The following RASGRF1 variants were observed in gnomAD, a reference collection of about 807,000 sequenced individuals.
RASGRF1 encodes the protein ras-specific guanine nucleotide-releasing factor 1.
In RASGRF1, 40 loss-of-function variants were observed where a neutral mutation model predicts 138.7. That is an observed-to-expected ratio of 0.29 (90% CI 0.22 to 0.38). RASGRF1 has a LOEUF of 0.38. Ranked by LOEUF, RASGRF1 falls within the 10% of genes least tolerant of loss-of-function variation. RASGRF1 has a pLI of 1.00. For missense variants in RASGRF1, 1,108 were observed against 1,650.4 expected, an observed-to-expected ratio of 0.67 and a Z score of 5.69; for synonymous variants, 614 against 663.2, an observed-to-expected ratio of 0.93 and a Z score of 1.14.
At chr15:78,996,572 C>T (rs1429376353) in intron 19 of RASGRF1, among the ~76,000 whole-genome samples, 4 of 152,114 alleles carry the variant, frequency 2.6e-5, no homozygotes, top group Admixed American at 2.6e-4. Flanking sequence ...CATGGTGGGC[C>T]CACGCTCCAA....
At position 79,031,176 on chromosome 15, in the gene RASGRF1, C is replaced by T. The variant is rs1274746911; in HGVS notation, c.1262+224G>A. Among the ~76,000 whole-genome samples the T allele has an allele frequency of 2.0e-5, 3 of 152,184 alleles. No homozygotes were observed. The East Asian group carries it at 5.8e-4, about 29-fold the overall frequency. On this transcript the variant is annotated intron_variant, in intron 8 of 26. Transcript: ENST00000558480. ...GCCCTCCCTCGGGCCCTATCTGTGC[C>T]AGGGATAGCACAGCACCCACTATTC...
intron 26 of RASGRF1, among the ~76,000 whole-genome samples, chr15:78,963,445 G>C (rs1465798835): frequency 6.6e-6 from 1 of 152,040 alleles, no homozygotes. Flanking sequence ...GGGATCCCAG[G>C]CATGCACCAC....
chr15:79,038,755 G>A (rs1393808966), intron 5 of RASGRF1, among the ~76,000 whole-genome samples: 1 of 152,094 alleles, frequency 6.6e-6, no homozygotes, highest in Non-Finnish European at 1.5e-5. Context: ...TTCCTTGTAA[G>A]GCAGACCATT....
At position 79,060,403 on chromosome 15, in the gene RASGRF1, T is replaced by C. The variant is rs75804470; in HGVS notation, c.384-1922A>G. Among the ~76,000 whole-genome samples, 900 of 152,294 alleles carry C rather than the reference T, an allele frequency of 5.9e-3. 12 individuals are homozygous for C. Among genetic ancestry groups the C allele is most frequent in the African/African-American group, 0.021 (873 of 41,564 alleles). ...TGCTGGCTTCCAAAAGGATGATGCA[T>C]ATGGAGAGGTTTTTGTTCACAGGTA... On this transcript the variant is annotated intron_variant, in intron 2 of 26. Transcript: ENST00000558480.
rs71148584 is a variant in RASGRF1 at position 78,978,220 on chromosome 15, G to GT, written c.3494+2399dup. On this transcript the variant is annotated intron_variant, in intron 24 of 26. Transcript: ENST00000558480. ...CTTCTTTTTCTTTTTCTTTTCTTTT[G>GT]TTTTTTTTTTTTTTTTTTTTTTTTG... Among the ~76,000 whole-genome samples the GT allele has an allele frequency of 5.0e-3, 622 of 124,954 alleles. 32 individuals carry two copies. The highest frequency in any genetic ancestry group is 0.023 in the African/African-American group (567 of 24,704). 82.0% of individuals were successfully genotyped at this position (124,954 alleles called of 152,430 possible). A position where few individuals can be genotyped will look rare whatever the true frequency, so the allele number is the denominator to read the frequency against.
At chr15:79,089,495 G>A (rs2141118472) in intron 1 of RASGRF1, among the ~76,000 whole-genome samples, 1 of 152,360 alleles carries the variant, frequency 6.6e-6, no homozygotes, top group South Asian at 2.1e-4. Flanking sequence ...CGGCGGCGGC[G>A]GCGGCGCAGG....
chr15:79,090,617 T>C lies in RASGRF1; in HGVS notation c.-119A>G. 1 of 1,388,142 alleles carries C rather than the reference T, an allele frequency of 7.2e-7. No individual in the cohort carries two copies. The highest frequency in any genetic ancestry group is 9.8e-7 in the Non-Finnish European group (1 of 1,018,498). 86.0% of individuals were successfully genotyped at this position (1,388,142 alleles called of 1,614,324 possible). A position where few individuals can be genotyped will look rare whatever the true frequency, so the allele number is the denominator to read the frequency against. Reference sequence around the variant, plus strand: ...CTCGCTCGCTCGCTCCCTCTAGCTCTCCCCTCCCCCCAAATATCTACACTC... The same window carrying C: ...CTCGCTCGCTCGCTCCCTCTAGCTCCCCCCTCCCCCCAAATATCTACACTC... On this transcript the variant is annotated 5_prime_UTR_variant, in exon 1 of 27. Transcript: ENST00000558480.
chr15:79,063,242 C>T (rs944382167), intron 2 of RASGRF1, among the ~76,000 whole-genome samples: 1 of 152,164 alleles, frequency 6.6e-6, no homozygotes, highest in Non-Finnish European at 1.5e-5. Context: ...GTGCACTGGG[C>T]CTGACTATTG....
chr15:79,023,948 A>G (rs890224826), intron 10 of RASGRF1, among the ~76,000 whole-genome samples: 1 of 151,640 alleles, frequency 6.6e-6, no homozygotes, highest in African/African-American at 2.4e-5. Flanking sequence ...ACACACAGAT[A>G]CAAAAACACA....
chr15:79,056,653 G>A lies in RASGRF1; in HGVS notation c.531+1681C>T, dbSNP rs115708453. Among the ~76,000 whole-genome samples the A allele has an allele frequency of 3.7e-3, 565 of 152,308 alleles. 3 individuals carry two copies. Among genetic ancestry groups the A allele is most frequent in the African/African-American group, 0.012 (506 of 41,556 alleles). ...TGGTTGTGGGGAATGAAAGTATGTC[G>A]TGAAGGTGCCTGTTATCAGGCTAGC... On this transcript the variant is annotated intron_variant, in intron 3 of 26. Transcript: ENST00000558480.
chr15:78,991,900 C>T (rs943591060), intron 20 of RASGRF1, 106 bp from the exon 21 acceptor site: 12 of 689,468 alleles, frequency 1.7e-5, no homozygotes, highest in South Asian at 9.5e-5. Context: ...ATTGGGTGGG[C>T]GGGTGGACGG....
rs1352524507 is a variant in RASGRF1, at chr15:79,064,758, A to C, written c.277-232T>G. On this transcript the variant is annotated intron_variant, in intron 1 of 26. Transcript: ENST00000558480. ...GCTTAGGATATTGTAAGAAGGAAAC[A>C]AAACACACAAAGCCCTGTTCAACAA... 11 of 525,982 alleles carry C rather than the reference A, an allele frequency of 2.1e-5. No homozygotes were observed. In the East Asian group the frequency reaches 3.6e-4, roughly 17 times the overall value. 32.6% of individuals were successfully genotyped at this position (525,982 alleles called of 1,614,324 possible). A position where few individuals can be genotyped will look rare whatever the true frequency, so the allele number is the denominator to read the frequency against.
At chr15:79,004,893 T>A (rs1019799800) in intron 14 of RASGRF1, 29 of 978,618 alleles carry the variant, frequency 3.0e-5, no homozygotes, top group Middle Eastern at 5.2e-4. Flanking sequence ...TCCTACAGGA[T>A]AACTGCAGGA....
intron 15 of RASGRF1, among the ~76,000 whole-genome samples, 169 bp downstream of exon 15, chr15:79,003,633 C>T (rs1378674390): frequency 6.6e-6 from 1 of 152,266 alleles, no homozygotes; most frequent in Non-Finnish European, 1.5e-5. Flanking sequence ...TACCTCTCTG[C>T]ACCGCCCAGA....
At chr15:79,036,555 A>G (rs1478591658) in intron 5 of RASGRF1, among the ~76,000 whole-genome samples, 1 of 152,182 alleles carries the variant, frequency 6.6e-6, no homozygotes. Flanking sequence ...TCTTAGCACA[A>G]TGAGAGCCAA....
chr15:79,008,000 G>A (rs568440963), intron 13 of RASGRF1, among the ~76,000 whole-genome samples: 23 of 151,342 alleles, frequency 1.5e-4, no homozygotes, highest in African/African-American at 5.3e-4. Context: ...GCGCCACCAC[G>A]CCCAGCTAAT....
chr15:79,014,930 AC>A (rs2056855346), intron 13 of RASGRF1, among the ~76,000 whole-genome samples: 1 of 140,404 alleles, frequency 7.1e-6, no homozygotes, highest in Non-Finnish European at 1.5e-5. Flanking sequence ...AAAACAAAAA[AC>A]AAAAAACAAA....
chr15:78,998,941 T>C (rs2056454966), intron 17 of RASGRF1, 116 bp from the exon 18 acceptor site: 2 of 733,014 alleles, frequency 2.7e-6, no homozygotes, highest in Non-Finnish European at 4.9e-6. Flanking sequence ...GAGGGGGTCA[T>C]GGGCAGGGGG....
intron 14 of RASGRF1, among the ~76,000 whole-genome samples, chr15:79,005,946 T>C (rs926662989): frequency 2.0e-5 from 3 of 151,984 alleles, no homozygotes; most frequent in East Asian, 1.9e-4. Flanking sequence ...CAGGTGGAGA[T>C]GGAAGCAGCT....
Sources: gnomAD v4.1 joint callset for allele counts (sites outside exome capture counted in the v4.1 genomes callset) on GRCh38, gnomAD v4.1.1 for gene constraint, MANE v1.5 for transcripts, NCBI Gene and HGNC (gene_info 2026-07-23, HGNC 2026-07-21) for gene names.